CSMD3: variants seen among roughly 807,000 people sequenced by gnomAD.
CSMD3 encodes CUB and Sushi multiple domains 3.
In CSMD3, 177 loss-of-function variants were observed where a neutral mutation model predicts 435.2. The ratio of observed to expected loss-of-function variants is 0.41; its 90% CI spans 0.36 to 0.46. The LOEUF is 0.46. Among genes scored for constraint, CSMD3 ranks in the 20% least tolerant of loss-of-function variants. The pLI is 0.34. For missense variants in CSMD3, 4,265 were observed against 4,504.6 expected (o/e 0.95, Z 1.52); for synonymous variants, 1,656 against 1,520.5 (o/e 1.09, Z -2.07).
intron 32 of CSMD3, among the ~76,000 whole-genome samples, chr8:112,445,466 G>C (rs542612315): frequency 6.6e-6 from 1 of 152,276 alleles, no homozygotes; most frequent in African/African-American, 2.4e-5. Context: ...CAAAGGGTGA[G>C]AAGGTGTGTC....
chr8:113,195,903 C>T (rs1186976781), intron 3 of CSMD3, among the ~76,000 whole-genome samples: 1 of 149,258 alleles, frequency 6.7e-6, no homozygotes, highest in Non-Finnish European at 1.5e-5. Context: ...TCCATATCCA[C>T]CTTTTTGCCT....
chr8:112,535,294 C>T (rs902441869), intron 27 of CSMD3, among the ~76,000 whole-genome samples: 3 of 152,100 alleles, frequency 2.0e-5, no homozygotes, highest in African/African-American at 7.2e-5. Context: ...CCCCAAATCT[C>T]CTTAAGCTGA....
At position 112,741,109 on chromosome 8, in the gene CSMD3, C is replaced by A. The variant is rs960068713; in HGVS notation, c.1973-51059G>T. Among the ~76,000 whole-genome samples, 3 of 151,822 alleles carry A rather than the reference C, an allele frequency of 2.0e-5. No homozygotes were observed. The East Asian group carries it at 5.8e-4, about 29-fold the overall frequency. Reference sequence around the variant, plus strand: ...ACAGGACAGAAAGAAGGCAAGGAGTCAGCAAAAGAGATGAAGAGAGTGTCT... The same window carrying A: ...ACAGGACAGAAAGAAGGCAAGGAGTAAGCAAAAGAGATGAAGAGAGTGTCT... On this transcript the variant is annotated intron_variant, in intron 13 of 70. Transcript: ENST00000297405.
intron 1 of CSMD3, among the ~76,000 whole-genome samples, chr8:113,358,769 A>T (rs1451356994): frequency 6.6e-6 from 1 of 152,108 alleles, no homozygotes; most frequent in African/African-American, 2.4e-5. Context: ...CTTCTAAAGA[A>T]GCATCTCTGG....
intron 38 of CSMD3, among the ~76,000 whole-genome samples, chr8:112,372,835 C>G (rs1018687765): frequency 1.3e-5 from 2 of 149,728 alleles, no homozygotes; most frequent in Admixed American, 6.7e-5. Flanking sequence ...GGTGACAGAG[C>G]GAGACTATGT....
intron 33 of CSMD3, among the ~76,000 whole-genome samples, chr8:112,408,696 A>G (rs1182944219): frequency 6.6e-6 from 1 of 151,962 alleles, no homozygotes; most frequent in Non-Finnish European, 1.5e-5. Context: ...AAGTGATTAA[A>G]TATATTATTT....
chr8:113,171,624 G>GT, intron 4 of CSMD3, among the ~76,000 whole-genome samples: 1 of 151,918 alleles, frequency 6.6e-6, no homozygotes, highest in Non-Finnish European at 1.5e-5. Flanking sequence ...ATAAAGAAAA[G>GT]TTCTTAAACA....
At chr8:113,215,732 C>A (rs1046258851) in intron 3 of CSMD3, among the ~76,000 whole-genome samples, 1 of 151,800 alleles carries the variant, frequency 6.6e-6, no homozygotes, top group African/African-American at 2.4e-5. Flanking sequence ...ATGCACTTTT[C>A]TCTTCTGTAT....
intron 3 of CSMD3, among the ~76,000 whole-genome samples, chr8:113,276,336 T>C (rs2093569899): frequency 1.3e-5 from 2 of 151,710 alleles, no homozygotes; most frequent in Admixed American, 6.6e-5. Context: ...TCACCTGGAG[T>C]ATAAGATGTG....
chr8:112,461,705 A>G (rs1563566928), intron 32 of CSMD3, among the ~76,000 whole-genome samples: 1 of 152,202 alleles, frequency 6.6e-6, no homozygotes, highest in Non-Finnish European at 1.5e-5. Context: ...CATCACGGAT[A>G]TTCCGATGCA....
chr8:113,380,675 TTAAAC>T (rs1334858881), intron 1 of CSMD3, among the ~76,000 whole-genome samples: 1 of 152,142 alleles, frequency 6.6e-6, no homozygotes, highest in Non-Finnish European at 1.5e-5. Context: ...AAAAATGACT[TTAAAC>T]TATGCCTATA....
chr8:113,406,924 G>T (rs1422871555), intron 1 of CSMD3, among the ~76,000 whole-genome samples: 2 of 152,040 alleles, frequency 1.3e-5, no homozygotes, highest in South Asian at 2.1e-4. Flanking sequence ...ATTTATGGTA[G>T]CCTGCATAAT....
chr8:112,328,539 T>A (rs1182335963), intron 45 of CSMD3, among the ~76,000 whole-genome samples: 2 of 152,146 alleles, frequency 1.3e-5, no homozygotes, highest in African/African-American at 4.8e-5. Context: ...TTATTTGGAT[T>A]TAGAGATGCG....
intron 13 of CSMD3, among the ~76,000 whole-genome samples, chr8:112,698,007 G>A (rs1163087638): frequency 1.3e-5 from 2 of 152,092 alleles, no homozygotes; most frequent in Admixed American, 1.3e-4. Context: ...AAAGTGGAAT[G>A]GGTAGAGTTA....
At position 112,637,001 on chromosome 8, in the gene CSMD3, A is replaced by G; in HGVS notation, c.3531T>C (p.Tyr1177=). 1.2e-6 allele frequency: 2 copies of G among 1,613,470 alleles called. No individual in the cohort carries two copies. Among genetic ancestry groups the G allele is most frequent in the Non-Finnish European group, 1.7e-6 (2 of 1,179,516 alleles). The change falls in exon 22 of 71, where the codon TAT becomes TAC. Residue 1177 remains tyrosine, a synonymous_variant. Coordinates refer to ENST00000297405, the MANE Select transcript of CSMD3 (RefSeq NM_198123.2). ...YEGFNITFSE[Y]NLEPCEDPGI... Reference sequence around the variant, plus strand: ...CAGGATCTTCACAAGGTTCAAGGTTATATTCTGTAAATTAGAGAGAAAAAT... The same window carrying G: ...CAGGATCTTCACAAGGTTCAAGGTTGTATTCTGTAAATTAGAGAGAAAAAT...
intron 46 of CSMD3, 113 bp from the exon 47 acceptor site, chr8:112,319,063 A>G: frequency 1.4e-6 from 1 of 727,576 alleles, no homozygotes; most frequent in African/African-American, 1.7e-5. Flanking sequence ...CAATCAGTAT[A>G]AAAATGTTAT....
chr8:113,381,604 G>A (rs997100487), intron 1 of CSMD3, among the ~76,000 whole-genome samples: 3 of 152,040 alleles, frequency 2.0e-5, no homozygotes, highest in Admixed American at 6.6e-5. Flanking sequence ...ACACTTTAAT[G>A]CCCATGGTAT....
At chr8:113,006,423 G>C (rs1029105924) in intron 6 of CSMD3, among the ~76,000 whole-genome samples, 2 of 151,992 alleles carry the variant, frequency 1.3e-5, no homozygotes, top group African/African-American at 4.8e-5. Flanking sequence ...CAGCCTTTCT[G>C]AAAAAGTAGT....
At chr8:112,847,354 A>G (rs1587465791) in intron 11 of CSMD3, among the ~76,000 whole-genome samples, 1 of 152,258 alleles carries the variant, frequency 6.6e-6, no homozygotes, top group South Asian at 2.1e-4. Context: ...AGATCTGGGT[A>G]TCACTTACCC....
Sources: gnomAD v4.1 joint callset for allele counts (sites outside exome capture counted in the v4.1 genomes callset) on GRCh38, gnomAD v4.1.1 for gene constraint, MANE v1.5 for transcripts, NCBI Gene and HGNC (gene_info 2026-07-23, HGNC 2026-07-21) for gene names.